Variants in AHCYL1 observed in about 807,000 individuals in gnomAD.
AHCYL1 encodes the protein S-adenosylhomocysteine hydrolase-like protein 1.
In AHCYL1, 20 loss-of-function variants were observed where a neutral mutation model predicts 79.3. The observed-to-expected ratio is 0.25, with a 90% CI of 0.18 to 0.37. The LOEUF (loss-of-function observed/expected upper bound fraction) is 0.37, where lower values mean the gene tolerates loss of function less well. AHCYL1 is among the 10% of genes least tolerant of loss of function. The pLI is 1.00. For synonymous variants in AHCYL1, 223 were observed against 242.2 expected, an observed-to-expected ratio of 0.92 and a Z score of 0.74; for missense variants, 330 against 673.6, an observed-to-expected ratio of 0.49 and a Z score of 5.65.
chr1:110,019,589 A>G lies in AHCYL1; in HGVS notation c.1428A>G (p.Arg476=), dbSNP rs1416383034. The stretch of plus-strand genomic sequence containing the variant: ...AACTCTATAATGCACCCGAGGGGCG[A>G]TACAAGCAGGATGTGTACTTGCTTC... ...LIELYNAPEG[R]YKQDVYLLPK... is the part of the protein sequence containing the mutation. Residue 476 remains arginine (R), a synonymous_variant, in exon 15 of 17, where the codon CGA becomes CGG. Transcript: ENST00000369799. 2 of 1,613,542 alleles carry G rather than the reference A, an allele frequency of 1.2e-6. No homozygotes were observed. The highest frequency in any genetic ancestry group is 1.7e-6 in the Non-Finnish European group (2 of 1,179,936).
intron 1 of AHCYL1, among the ~76,000 whole-genome samples, chr1:109,985,995 A>G (rs1649446875): frequency 6.6e-6 from 1 of 152,198 alleles, no homozygotes. Context: ...CAACCTTTGG[A>G]GATTTTAGTC....
At chr1:109,994,480 G>T (rs373372318) in intron 1 of AHCYL1, among the ~76,000 whole-genome samples, 25 of 152,020 alleles carry the variant, frequency 1.6e-4, no homozygotes, top group Non-Finnish European at 3.7e-4. Context: ...GTAGAGATGG[G>T]ATTTCATCAT....
In AHCYL1 at chr1:109,984,914, G is replaced by A. The variant is rs550658489; in HGVS notation, c.-139G>A. ...AGGCGTGGGCCACAGCACCTCAGAA[G>A]CCGACGCAGCTCGACGCAGGGGCCG... On this transcript the variant is annotated 5_prime_UTR_variant, in exon 1 of 17. Transcript: ENST00000369799. The A allele has an allele frequency of 9.3e-6, 12 of 1,289,606 alleles. No homozygotes were observed. In the African/African-American group the frequency reaches 1.7e-4, roughly 19 times the overall value. The allele number at this position is 1,289,606 out of a possible 1,614,324, so 79.9% of individuals were successfully genotyped here. A position where few individuals can be genotyped will look rare whatever the true frequency, so the allele number is the denominator to read the frequency against.
chr1:110,004,419 G>T, intron 1 of AHCYL1: 1 of 985,468 alleles, frequency 1.0e-6, no homozygotes, highest in Non-Finnish European at 1.2e-6. Context: ...ACTCTGGCCT[G>T]AGATTGATTC....
chr1:110,006,618 C>T (rs1339504075), intron 1 of AHCYL1, among the ~76,000 whole-genome samples: 4 of 152,110 alleles, frequency 2.6e-5, no homozygotes, highest in Admixed American at 2.0e-4. Flanking sequence ...AACAATGCTC[C>T]AGGAGATACT....
At chr1:109,994,384 T>A (rs1008511072) in intron 1 of AHCYL1, among the ~76,000 whole-genome samples, 1 of 152,254 alleles carries the variant, frequency 6.6e-6, no homozygotes, top group African/African-American at 2.4e-5. Context: ...TGCCTCAGCC[T>A]CCCAAGTAGC....
At chr1:110,014,586 A>T (rs921006522) in intron 5 of AHCYL1, among the ~76,000 whole-genome samples, 177 bp from the exon 6 acceptor site, 1 of 152,242 alleles carries the variant, frequency 6.6e-6, no homozygotes, top group Non-Finnish European at 1.5e-5. Flanking sequence ...AAATTCCTTA[A>T]TTTCTTAACC....
chr1:110,016,208 C>G (rs536745524), intron 7 of AHCYL1, 136 bp from the exon 8 acceptor site: 8 of 595,952 alleles, frequency 1.3e-5, no homozygotes, highest in Non-Finnish European at 2.1e-5. Context: ...ATCATGTTTT[C>G]TAATATCCTT....
chr1:109,992,408 C>CAAA (rs57891226), intron 1 of AHCYL1, among the ~76,000 whole-genome samples: 7 of 72,690 alleles, frequency 9.6e-5, no homozygotes, highest in Admixed American at 3.0e-4. Flanking sequence ...GACTCCGTCT[C>CAAA]AAAAAAAAAA....
chr1:110,017,920 C>T (rs1317597759), intron 10 of AHCYL1, 26 bp from the exon 11 acceptor site: 2 of 1,612,058 alleles, frequency 1.2e-6, no homozygotes, highest in Admixed American at 1.7e-5. Context: ...TTGCTTTACT[C>T]ATAGTGTTCC....
chr1:109,989,144 G>A lies in AHCYL1; in HGVS notation c.120+3972G>A, dbSNP rs138182727. Among the ~76,000 whole-genome samples the A allele has an allele frequency of 1.6e-4, 24 of 152,266 alleles. No homozygotes were observed. In the East Asian group the frequency reaches 4.6e-3, roughly 29 times the overall value. On this transcript the variant is annotated intron_variant, in intron 1 of 16. Transcript: ENST00000369799. ...TCCTCTTTTTAAGATTTCTCCGCAG[G>A]TATTGATTACATCTCTTTTTCTTGT...
Position 110,018,000 on chromosome 1 carries a change from C to G in AHCYL1, c.1107C>G (p.Val369=), listed in dbSNP as rs758526247. 6.2e-6 allele frequency: 10 copies of G among 1,614,118 alleles called. No homozygotes were observed. Among genetic ancestry groups the G allele is most frequent in the Non-Finnish European group, 8.5e-6 (10 of 1,180,008 alleles). Residue 369 remains valine (V), a synonymous_variant, in exon 11 of 17, where the codon GTC becomes GTG. Coordinates refer to ENST00000369799, the MANE Select transcript of AHCYL1 (RefSeq NM_006621.7). ...ATGAAGTCATCCGGCAAGTCGATGT[C>G]GTAATAACTTGCACAGGTAAATAAC... The part of the protein sequence containing the change: ...KLNEVIRQVD[V]VITCTGNKNV...
In AHCYL1 at chr1:110,021,655, T is replaced by A. The variant is rs908534916; in HGVS notation, c.1587-19T>A. On this transcript the variant is annotated intron_variant, in intron 16 of 16. Transcript: ENST00000369799. ...TATGGAAGACATAAGTGTTAACCAATCACTCTCTCTCTTTACAGATACTAA... is the reference window on the plus strand; with the variant it reads ...TATGGAAGACATAAGTGTTAACCAAACACTCTCTCTCTTTACAGATACTAA... 1 of 1,611,016 alleles carries A rather than the reference T, an allele frequency of 6.2e-7. No homozygotes were observed. The highest frequency in any genetic ancestry group is 1.3e-5 in the African/African-American group (1 of 74,918).
In AHCYL1 at chr1:110,012,911, ACT is replaced by A. The variant is rs764285757; in HGVS notation, c.495_496del (p.Ala167ProfsTer11). 6.2e-7 allele frequency: 1 copy of A among 1,611,194 alleles called. No individual in the cohort carries two copies. The highest frequency in any genetic ancestry group is 8.5e-7 in the Non-Finnish European group (1 of 1,179,222). ...CTTCTACACAGGTGTTGATTGAGAC[ACT>A]CTGTGCCCTGGGGGCTCAGTGCCGC... ...TAQTAVLIETLCALGAQCRWS... is the reference protein window; with the variant it reads ...TAQTAVLIETXCALGAQCRWS... On this transcript the variant is annotated frameshift_variant, in exon 5 of 17. Coordinates refer to ENST00000369799, the MANE Select transcript of AHCYL1 (RefSeq NM_006621.7). LOFTEE classifies it high-confidence loss of function.
At chr1:110,012,097 T>G (rs1384033475) in intron 3 of AHCYL1, among the ~76,000 whole-genome samples, 1 of 152,256 alleles carries the variant, frequency 6.6e-6, no homozygotes, top group Admixed American at 6.5e-5. Context: ...ACCCTTCATT[T>G]TGATCAGTTT....
intron 2 of AHCYL1, 69 bp from the exon 3 acceptor site, chr1:110,011,145 G>T: frequency 6.3e-6 from 10 of 1,580,716 alleles, no homozygotes; most frequent in Non-Finnish European, 8.6e-6. Context: ...GTCCCTTGGG[G>T]ACTGCACTCT....
intron 5 of AHCYL1, 24 bp downstream of exon 5, chr1:110,013,023 A>G (rs770459940): frequency 6.3e-7 from 1 of 1,579,426 alleles, no homozygotes; most frequent in Non-Finnish European, 8.6e-7. Context: ...TTTCCCACCA[A>G]CTTTGCCCCA....
chr1:110,016,856 TCAAA>T (rs1386989590), intron 9 of AHCYL1, 126 bp downstream of exon 9: 4 of 996,512 alleles, frequency 4.0e-6, no homozygotes, highest in Non-Finnish European at 6.0e-6. Flanking sequence ...ATAATGTATC[TCAAA>T]CAATAGCAAA....
intron 1 of AHCYL1, among the ~76,000 whole-genome samples, chr1:109,993,838 A>G (rs1649886707): frequency 6.6e-6 from 1 of 152,252 alleles, no homozygotes; most frequent in Non-Finnish European, 1.5e-5. Context: ...TGAAACTGGT[A>G]TCCTGGTTTA....
Sources: allele counts gnomAD v4.1 joint callset (sites outside exome capture counted in the v4.1 genomes callset), GRCh38; gene constraint gnomAD v4.1.1; transcripts MANE v1.5; gene names NCBI Gene and HGNC (gene_info 2026-07-23, HGNC 2026-07-21).